C1QTNF2: variants seen among roughly 807,000 people sequenced by gnomAD.
C1QTNF2 encodes the protein complement C1q tumor necrosis factor-related protein 2.
Under a neutral mutation model 17.4 loss-of-function variants are expected in C1QTNF2, and 15 were observed. The ratio of observed to expected loss-of-function variants is 0.86; its 90% confidence interval spans 0.58 to 1.33. The LOEUF is 1.33. C1QTNF2 is among the 40% of genes most tolerant of loss of function. The pLI is 0.00. For synonymous variants in C1QTNF2, 154 were observed against 163.3 expected (o/e 0.94, Z 0.44); for missense variants, 381 against 392.3 (o/e 0.97, Z 0.24).
At chr5:160,360,957 G>A (rs866161431) in intron 1 of C1QTNF2, among the ~76,000 whole-genome samples, 4 of 152,038 alleles carry the variant, frequency 2.6e-5, no homozygotes, top group Non-Finnish European at 4.4e-5. Flanking sequence ...ACCATGCCCG[G>A]CTAATTTTTT....
intron 1 of C1QTNF2, among the ~76,000 whole-genome samples, chr5:160,360,471 AAT>A (rs1764133490): frequency 6.6e-6 from 1 of 152,170 alleles, no homozygotes; most frequent in African/African-American, 2.4e-5. Context: ...AATCAGATCA[AAT>A]CCCTCCTTGC....
chr5:160,356,486 T>C (rs887919028), intron 1 of C1QTNF2, among the ~76,000 whole-genome samples: 1 of 152,232 alleles, frequency 6.6e-6, no homozygotes, highest in African/African-American at 2.4e-5. Flanking sequence ...CTAATAAGTT[T>C]CCAAGGGATG....
Position 160,349,794 on chromosome 5 carries a change from G to A in C1QTNF2, c.245-13C>T. ...CGGCCAGGTGGACCTGGAAGACAGA[G>A]CAGCTGGTGTTATGGAGGGTCCTCA... On this transcript the variant is annotated splice_polypyrimidine_tract_variant and intron_variant, in intron 2 of 2. Transcript: ENST00000652664. The surrounding 1 kb of genome is among the most constrained non-coding windows in gnomAD (Gnocchi z 4.3). 6.6e-7 allele frequency: 1 copy of A among 1,515,414 alleles called. No homozygotes were observed. Among genetic ancestry groups the A allele is most frequent in the Non-Finnish European group, 8.7e-7 (1 of 1,143,090 alleles). The allele number at this position is 1,515,414 out of a possible 1,614,324, so 93.9% of individuals were successfully genotyped here. A position where few individuals can be genotyped will look rare whatever the true frequency, so the allele number is the denominator to read the frequency against.
intron 1 of C1QTNF2, among the ~76,000 whole-genome samples, chr5:160,367,106 C>A (rs1581041696): frequency 6.6e-6 from 1 of 152,156 alleles, no homozygotes; most frequent in East Asian, 1.9e-4. Context: ...CATGCCCCTG[C>A]CACTGAGGAA....
At position 160,362,275 on chromosome 5, in the gene C1QTNF2, C is replaced by A. The variant is rs6865859; in HGVS notation, c.-9-7255G>T. Among the ~76,000 whole-genome samples the A allele has an allele frequency of 4.2e-3, 645 of 152,284 alleles. 4 individuals are homozygous for A. Among genetic ancestry groups the A allele is most frequent in the African/African-American group, 0.015 (609 of 41,542 alleles). On this transcript the variant is annotated intron_variant, in intron 1 of 2. Coordinates refer to ENST00000652664, the MANE Select transcript of C1QTNF2 (RefSeq NM_031908.6). ...CCTAGGACCTCTTTATACGCTGATT[C>A]ATGTACTCAATCACACACCCACCAG...
chr5:160,356,597 T>C lies in C1QTNF2; in HGVS notation c.-9-1577A>G, dbSNP rs1023369083. ...ATGCTGAGCCTTTCAGACTTCAATC[T>C]GTTCTCTTTCCAGATACAAAGCACT... On this transcript the variant is annotated intron_variant, in intron 1 of 2. Coordinates refer to ENST00000652664, the MANE Select transcript of C1QTNF2 (RefSeq NM_031908.6). Among the ~76,000 whole-genome samples, 21 of 152,344 alleles carry C rather than the reference T, an allele frequency of 1.4e-4. 1 individual carries two copies. Among genetic ancestry groups the C allele is most frequent in the African/African-American group, 4.1e-4 (17 of 41,584 alleles).
chr5:160,352,983 C>T (rs1394946321), intron 2 of C1QTNF2, among the ~76,000 whole-genome samples: 1 of 152,104 alleles, frequency 6.6e-6, no homozygotes, highest in Non-Finnish European at 1.5e-5. Context: ...GAGACAGGTG[C>T]TATTATTATC....
chr5:160,369,060 TAA>T lies in C1QTNF2; in HGVS notation c.-10+1450_-10+1451del, dbSNP rs34894197. 2.2e-3 allele frequency among the ~76,000 whole-genome samples: 317 copies of T among 146,716 alleles called. 1 individual carries two copies. The highest frequency in any genetic ancestry group is 4.3e-3 in the African/African-American group (173 of 40,100). On this transcript the variant is annotated intron_variant, in intron 1 of 2. Coordinates refer to ENST00000652664, the MANE Select transcript of C1QTNF2 (RefSeq NM_031908.6). ...TGTAAAGTATGCTTCTCTTTGAGTTTAAAAAAAAAAAAAACAGCACAAATACA... is the reference window on the plus strand; with the variant it reads ...TGTAAAGTATGCTTCTCTTTGAGTTTAAAAAAAAAAAACAGCACAAATACA...
In C1QTNF2 at chr5:160,348,879, T is replaced by C. The variant is rs1763850757; in HGVS notation, c.*289A>G. ...TTGTAAATTGTATCTCCTGCTAGAA[T>C]GTAAGCTGCATGAGGACAGATACTC... On this transcript the variant is annotated 3_prime_UTR_variant, in exon 3 of 3. Coordinates refer to ENST00000652664, the MANE Select transcript of C1QTNF2 (RefSeq NM_031908.6). The C allele has an allele frequency of 2.9e-6, 1 of 340,812 alleles. No homozygotes were observed. The highest frequency in any genetic ancestry group is 2.1e-5 in the African/African-American group (1 of 48,296). 21.1% of individuals were successfully genotyped at this position (340,812 alleles called of 1,614,324 possible). A position where few individuals can be genotyped will look rare whatever the true frequency, so the allele number is the denominator to read the frequency against.
At chr5:160,354,151 T>C (rs576021198) in intron 2 of C1QTNF2, among the ~76,000 whole-genome samples, 75 of 152,250 alleles carry the variant, frequency 4.9e-4, no homozygotes, top group Non-Finnish European at 8.8e-4. Flanking sequence ...GGACTATAAA[T>C]TGAGTTTCTG....
At position 160,349,300 on chromosome 5, in the gene C1QTNF2, C is replaced by A. The variant is rs1282165946; in HGVS notation, c.726G>T (p.Lys242Asn). 1 of 1,613,916 alleles carries A rather than the reference C, an allele frequency of 6.2e-7. No homozygotes were observed. Among genetic ancestry groups the A allele is most frequent in the African/African-American group, 1.3e-5 (1 of 74,870 alleles). Reference sequence around the variant, plus strand: ...TCTGCAGCCAAACTTCGTCACCCTGCTTGAGAGCCAGGATGGTGGAGCCTG... The same window carrying A: ...TCTGCAGCCAAACTTCGTCACCCTGATTGAGAGCCAGGATGGTGGAGCCTG... Reference protein sequence around the residue: ...VASGSTILALKQGDEVWLQIF... With the variant: ...VASGSTILALNQGDEVWLQIF... Residue 242 changes from lysine (K) to asparagine (N), a missense_variant, in exon 3 of 3, where the codon AAG (lysine) becomes AAT (asparagine). Transcript: ENST00000652664. The surrounding 1 kb of genome is among the most constrained non-coding windows in gnomAD (Gnocchi z 4.3).
At position 160,348,271 on chromosome 5, in the gene C1QTNF2, G is replaced by A. The variant is rs1561819604; in HGVS notation, c.*897C>T. 4 of 152,214 alleles carry A rather than the reference G, an allele frequency of 2.6e-5. 1 individual carries two copies. The South Asian group carries it at 6.2e-4, about 24-fold the overall frequency. 9.4% of individuals were successfully genotyped at this position (152,214 alleles called of 1,614,324 possible). A position where few individuals can be genotyped will look rare whatever the true frequency, so the allele number is the denominator to read the frequency against. ...TAATAAAGCGCTCAAGTCTGTGGCC[G>A]ACTTGACTCATGCAATGAGCAGATT... On this transcript the variant is annotated 3_prime_UTR_variant, in exon 3 of 3. Transcript: ENST00000652664.
Position 160,349,821 on chromosome 5 carries a change from A to G in C1QTNF2, c.245-40T>C, listed in dbSNP as rs180792967. The G allele has an allele frequency of 2.0e-6, 3 of 1,505,096 alleles. No individual in the cohort carries two copies. The highest frequency in any genetic ancestry group is 2.3e-5 in the Admixed American group (1 of 43,938). The allele number at this position is 1,505,096 out of a possible 1,614,324, so 93.2% of individuals were successfully genotyped here. ...AGCTGGTGTTATGGAGGGTCCTCAC[A>G]GACCTAGGCAGAGGGGTGCGGTGCG... On this transcript the variant is annotated intron_variant, in intron 2 of 2. Transcript: ENST00000652664. This position sits in a 1 kb window ranked among gnomAD's most constrained non-coding sequence, Gnocchi z 4.3.
intron 1 of C1QTNF2, among the ~76,000 whole-genome samples, chr5:160,366,413 A>T (rs1473470374): frequency 1.3e-5 from 2 of 152,192 alleles, no homozygotes. Context: ...TCCTGAGAAC[A>T]AAGAGAAAGA....
chr5:160,356,572 A>G (rs935085263), intron 1 of C1QTNF2, among the ~76,000 whole-genome samples: 5 of 152,298 alleles, frequency 3.3e-5, no homozygotes, highest in South Asian at 2.1e-4. Flanking sequence ...TCTAGCTCCA[A>G]TGCTGAGCCT....
chr5:160,353,877 C>T (rs1763976157), intron 2 of C1QTNF2, among the ~76,000 whole-genome samples: 1 of 144,664 alleles, frequency 6.9e-6, no homozygotes, highest in African/African-American at 2.5e-5. Context: ...GATCTCAACT[C>T]ACTCCAACCT....
intron 1 of C1QTNF2, among the ~76,000 whole-genome samples, chr5:160,358,699 C>A (rs950578738): frequency 6.6e-6 from 1 of 152,122 alleles, no homozygotes; most frequent in Non-Finnish European, 1.5e-5. Context: ...TCTAATCCAA[C>A]CTCTTCAGTT....
intron 1 of C1QTNF2, among the ~76,000 whole-genome samples, chr5:160,368,044 C>T (rs1304754896): frequency 6.6e-6 from 1 of 152,156 alleles, no homozygotes; most frequent in Non-Finnish European, 1.5e-5. Flanking sequence ...GGAACTCAGG[C>T]CTGCTGGCTC....
At chr5:160,357,756 G>A (rs1478093879) in intron 1 of C1QTNF2, among the ~76,000 whole-genome samples, 1 of 152,126 alleles carries the variant, frequency 6.6e-6, no homozygotes, top group Non-Finnish European at 1.5e-5. Context: ...GCAGAAAAGA[G>A]AGCCAGCCGG....
Sources: allele counts gnomAD v4.1 joint callset (sites outside exome capture counted in the v4.1 genomes callset), GRCh38; gene constraint gnomAD v4.1.1; non-coding constraint Gnocchi (gnomAD v3.1); transcripts MANE v1.5; gene names NCBI Gene and HGNC (gene_info 2026-07-23, HGNC 2026-07-21).